The following TMEM117 variants were observed in gnomAD, a reference collection of about 807,000 sequenced individuals.
TMEM117 encodes the protein transmembrane protein 117.
Under a neutral mutation model 52.4 loss-of-function variants are expected in TMEM117, and 27 were observed. The ratio of observed to expected loss-of-function variants is 0.51; its 90% confidence interval spans 0.38 to 0.71. TMEM117 has a LOEUF of 0.71. TMEM117 is among the 30% of genes least tolerant of loss of function. TMEM117 has a pLI of 0.00. For missense variants in TMEM117, 556 were observed against 630.5 expected, an observed-to-expected ratio of 0.88 and a Z score of 1.26; for synonymous variants, 215 against 206.3, an observed-to-expected ratio of 1.04 and a Z score of -0.36.
intron 6 of TMEM117, among the ~76,000 whole-genome samples, chr12:44,309,218 T>C (rs1419382866): frequency 6.6e-6 from 1 of 152,184 alleles, no homozygotes; most frequent in Non-Finnish European, 1.5e-5. Context: ...ATCTTGAGTT[T>C]TACAGCTGAA....
the TMEM117 span, chr12:43,806,412 C>T: frequency 8.6e-7 from 1 of 1,156,186 alleles, no homozygotes; most frequent in South Asian, 4.1e-5. Context: ...TCCCCGCCGC[C>T]CCGCCGCCCT....
intron 4 of TMEM117, among the ~76,000 whole-genome samples, chr12:44,189,413 G>T (rs1241366776): frequency 4.6e-5 from 7 of 152,144 alleles, no homozygotes; most frequent in African/African-American, 1.7e-4. Flanking sequence ...ATGGCTTTGA[G>T]AAGCTAGAGA....
chr12:43,897,710 C>T (rs10880578), intron 2 of TMEM117, among the ~76,000 whole-genome samples: 105,473 of 151,596 alleles, frequency 0.7, 40,913 homozygotes, highest in East Asian at 0.87. Flanking sequence ...TGGGTTCAAG[C>T]CATTCTCCTG....
intron 6 of TMEM117, among the ~76,000 whole-genome samples, chr12:44,313,658 G>A (rs1951018839): frequency 6.6e-6 from 1 of 152,162 alleles, no homozygotes; most frequent in Non-Finnish European, 1.5e-5. Context: ...GACATTGATA[G>A]TTTGAAGGAA....
At chr12:44,087,798 A>G (rs529931112) in intron 3 of TMEM117, among the ~76,000 whole-genome samples, 99 of 152,294 alleles carry the variant, frequency 6.5e-4, no homozygotes, top group Non-Finnish European at 1.0e-3. Context: ...TCACAAATGT[A>G]TAGCATTCAA....
intron 3 of TMEM117, among the ~76,000 whole-genome samples, chr12:44,001,173 T>C (rs1215631495): frequency 2.0e-5 from 3 of 152,190 alleles, no homozygotes; most frequent in African/African-American, 7.2e-5. Context: ...TCTTAATTAT[T>C]GGTGCAGATT....
At chr12:44,039,842 T>C (rs1946769403) in intron 3 of TMEM117, among the ~76,000 whole-genome samples, 1 of 152,186 alleles carries the variant, frequency 6.6e-6, no homozygotes, top group South Asian at 2.1e-4. Context: ...ATGTTGCTTC[T>C]CCTTGATATA....
intron 2 of TMEM117, among the ~76,000 whole-genome samples, chr12:43,922,459 A>T (rs1944710855): frequency 1.3e-5 from 2 of 152,166 alleles, no homozygotes; most frequent in Admixed American, 6.5e-5. Flanking sequence ...AATAATGTAA[A>T]TATTTATGTG....
chr12:44,373,287 A>G (rs1383520819), intron 6 of TMEM117, among the ~76,000 whole-genome samples: 1 of 152,248 alleles, frequency 6.6e-6, no homozygotes, highest in Non-Finnish European at 1.5e-5. Context: ...ACTAATGGTT[A>G]CATGTCTCTG....
intron 6 of TMEM117, among the ~76,000 whole-genome samples, chr12:44,305,958 A>G (rs1950897981): frequency 6.6e-6 from 1 of 152,236 alleles, no homozygotes; most frequent in African/African-American, 2.4e-5. Flanking sequence ...AAAGAATGAA[A>G]TGATGTCCTT....
intron 3 of TMEM117, among the ~76,000 whole-genome samples, chr12:44,039,940 A>T (rs1446542007): frequency 1.3e-5 from 2 of 152,058 alleles, no homozygotes; most frequent in African/African-American, 4.8e-5. Context: ...ATTTTAAATA[A>T]TTTTTTTCCA....
At chr12:43,995,583 T>A (rs73087605) in intron 3 of TMEM117, among the ~76,000 whole-genome samples, 13,830 of 152,188 alleles carry the variant, frequency 0.091, 990 homozygotes, top group African/African-American at 0.19. Flanking sequence ...TTTGGTTGCA[T>A]GGAAAAGTTC....
chr12:44,312,133 G>A (rs923578894), intron 6 of TMEM117, among the ~76,000 whole-genome samples: 1 of 151,860 alleles, frequency 6.6e-6, no homozygotes, highest in African/African-American at 2.4e-5. Flanking sequence ...TGATGCTGAT[G>A]TTGATGAATG....
At chr12:43,896,122 A>G (rs1175010636) in intron 2 of TMEM117, among the ~76,000 whole-genome samples, 1 of 152,214 alleles carries the variant, frequency 6.6e-6, no homozygotes, top group Non-Finnish European at 1.5e-5. Context: ...CTTCAATCCA[A>G]CCAAGTTGAC....
At chr12:44,199,645 T>C (rs1045017729) in intron 4 of TMEM117, among the ~76,000 whole-genome samples, 4 of 152,180 alleles carry the variant, frequency 2.6e-5, no homozygotes. Flanking sequence ...ATGACAGTTA[T>C]ACCAGGATCT....
chr12:44,354,852 C>T (rs951919579), intron 6 of TMEM117, among the ~76,000 whole-genome samples: 4 of 151,546 alleles, frequency 2.6e-5, no homozygotes, highest in Admixed American at 2.0e-4. Flanking sequence ...GCTTTTAATT[C>T]GGAAAACAAT....
intron 6 of TMEM117, among the ~76,000 whole-genome samples, chr12:44,348,511 T>C (rs1282910049): frequency 6.6e-6 from 1 of 151,976 alleles, no homozygotes; most frequent in African/African-American, 2.4e-5. Context: ...CACATTCTGA[T>C]AATACGTTCT....
At chr12:43,998,121 T>C (rs142266334) in intron 3 of TMEM117, among the ~76,000 whole-genome samples, 176 of 152,320 alleles carry the variant, frequency 1.2e-3, no homozygotes, top group Admixed American at 3.1e-3. Context: ...AGGTAAAATC[T>C]ATAGCAAAAA....
At chr12:44,153,638 T>A (rs1264840439) in intron 4 of TMEM117, among the ~76,000 whole-genome samples, 1 of 152,076 alleles carries the variant, frequency 6.6e-6, no homozygotes, top group African/African-American at 2.4e-5. Context: ...AGTTTTATCT[T>A]ATTATTGTTT....
Sources: gnomAD v4.1 joint callset for allele counts (sites outside exome capture counted in the v4.1 genomes callset) on GRCh38, gnomAD v4.1.1 for gene constraint, MANE v1.5 for transcripts, NCBI Gene and HGNC (gene_info 2026-07-23, HGNC 2026-07-21) for gene names.